CDCA7L: variants seen among roughly 807,000 people sequenced by gnomAD.
CDCA7L encodes cell division cycle associated 7 like.
Under a neutral mutation model 57.4 loss-of-function variants are expected in CDCA7L, and 44 were observed. That is an observed-to-expected ratio of 0.77 (90% confidence interval 0.60 to 0.98). The LOEUF (loss-of-function observed/expected upper bound fraction) is 0.98. Among genes scored for constraint, CDCA7L ranks in the 50% least tolerant of loss-of-function variants. The probability of loss-of-function intolerance (pLI) is 0.00; values close to 1 mark genes in which losing one functional copy is unlikely to be tolerated. For synonymous variants in CDCA7L, 236 were observed against 202.8 expected, an observed-to-expected ratio of 1.16 and a Z score of -1.39; for missense variants, 644 against 580.6, an observed-to-expected ratio of 1.11 and a Z score of -1.12.
At chr7:21,940,146 A>T (rs1786295280) in intron 1 of CDCA7L, 1 of 159,266 alleles carries the variant, frequency 6.3e-6, no homozygotes, top group Non-Finnish European at 1.3e-5. Flanking sequence ...GTATGCTGGC[A>T]TTTAAATAAT....
chr7:21,901,357 C>G lies in CDCA7L; in HGVS notation c.*965G>C, dbSNP rs900239318. ...ACATTATTCTAACTTTTTAGTAACT[C>G]ACACGTGCATTCTTTTTTCAACGCT... On this transcript the variant is annotated 3_prime_UTR_variant, in exon 10 of 10. Coordinates refer to ENST00000406877, the MANE Select transcript of CDCA7L (RefSeq NM_018719.5). The G allele has an allele frequency of 4.3e-6, 6 of 1,387,574 alleles. No homozygotes were observed. The African/African-American group carries it at 4.3e-5, about 10-fold the overall frequency. The allele number at this position is 1,387,574 out of a possible 1,614,324, so 86.0% of individuals were successfully genotyped here. A position where few individuals can be genotyped will look rare whatever the true frequency, so the allele number is the denominator to read the frequency against.
At chr7:21,907,748 T>G (rs1051153502) in intron 4 of CDCA7L, among the ~76,000 whole-genome samples, 1 of 152,180 alleles carries the variant, frequency 6.6e-6, no homozygotes, top group African/African-American at 2.4e-5. Flanking sequence ...AACCTGCTCC[T>G]TGCAACTTCT....
chr7:21,922,965 G>A (rs1785704929), intron 1 of CDCA7L, among the ~76,000 whole-genome samples: 2 of 152,180 alleles, frequency 1.3e-5, no homozygotes, highest in Admixed American at 1.3e-4. Context: ...ACCTAGAGTG[G>A]TTGAATCCTC....
intron 8 of CDCA7L, 26 bp downstream of exon 8, chr7:21,904,084 A>G (rs1273518178): frequency 6.5e-7 from 1 of 1,548,720 alleles, no homozygotes; most frequent in East Asian, 2.3e-5. Flanking sequence ...AATACAATTT[A>G]CAACAAATGC....
At position 21,902,313 on chromosome 7, in the gene CDCA7L, G is replaced by GTTTTCCTCTTAATTGTCTTCT. The variant is rs747980474; in HGVS notation, c.1353_*8dup. The GTTTTCCTCTTAATTGTCTTCT allele has an allele frequency of 5.0e-6, 8 of 1,613,746 alleles. No individual in the cohort carries two copies. Among genetic ancestry groups the GTTTTCCTCTTAATTGTCTTCT allele is most frequent in the Non-Finnish European group, 5.9e-6 (7 of 1,179,800 alleles). Reference sequence around the variant, plus strand: ...TATGGTGAGGTGGCTGGTTCTGTTTGTTTTCCTCTTAATTGTCTTCTACCA... The same window carrying GTTTTCCTCTTAATTGTCTTCT: ...TATGGTGAGGTGGCTGGTTCTGTTTGTTTTCCTCTTAATTGTCTTCTTTTTCCTCTTAATTGTCTTCTACCA... On this transcript the variant is annotated 3_prime_UTR_variant, in exon 10 of 10. Coordinates refer to ENST00000406877, the MANE Select transcript of CDCA7L (RefSeq NM_018719.5).
intron 1 of CDCA7L, among the ~76,000 whole-genome samples, chr7:21,928,211 G>A (rs1288641181): frequency 2.0e-5 from 3 of 152,188 alleles, no homozygotes; most frequent in Non-Finnish European, 2.9e-5. Flanking sequence ...CAGCAGAGGG[G>A]CCTGACTGTT....
intron 1 of CDCA7L, among the ~76,000 whole-genome samples, chr7:21,918,234 T>C (rs1785547480): frequency 6.6e-6 from 1 of 152,194 alleles, no homozygotes; most frequent in African/African-American, 2.4e-5. Flanking sequence ...ATTTCAAAAG[T>C]AGATGGGAAG....
chr7:21,945,678 C>T (rs1442886647), intron 1 of CDCA7L, 103 bp downstream of exon 1: 23 of 1,448,448 alleles, frequency 1.6e-5, no homozygotes, highest in Non-Finnish European at 2.1e-5. Flanking sequence ...CCCAGTGCCG[C>T]AGCCAAGGGC....
chr7:21,904,018 C>CCCTAGTTCCCA (rs1411517649), intron 8 of CDCA7L, 92 bp downstream of exon 8: 3 of 1,273,036 alleles, frequency 2.4e-6, no homozygotes, highest in Non-Finnish European at 3.2e-6. Context: ...TTCTGGAGCT[C>CCCTAGTTCCCA]CCTAGTTCCC....
At chr7:21,902,629 ACT>A (rs771869368) in intron 9 of CDCA7L, 9 of 525,792 alleles carry the variant, frequency 1.7e-5, no homozygotes, top group African/African-American at 3.8e-5. Context: ...CTTGCCCTGA[ACT>A]CTCTCTCTGC....
At chr7:21,907,478 CTG>C (rs964876801) in intron 4 of CDCA7L, among the ~76,000 whole-genome samples, 1 of 151,904 alleles carries the variant, frequency 6.6e-6, no homozygotes, top group Non-Finnish European at 1.5e-5. Flanking sequence ...TAAAAAAAAA[CTG>C]TAGATAAACA....
rs555549034 is a variant in CDCA7L, at chr7:21,916,541, A to T, written c.165+213T>A. 9.7e-4 allele frequency among the ~76,000 whole-genome samples: 142 copies of T among 146,214 alleles called. No homozygotes were observed. The Middle Eastern group carries it at 0.021, about 22-fold the overall frequency. On this transcript the variant is annotated intron_variant, in intron 2 of 9. Coordinates refer to ENST00000406877, the MANE Select transcript of CDCA7L (RefSeq NM_018719.5). ...AAAAAAAAAAAAAAAAAAAAAAAGA[A>T]TTATGGTACAGGGAAGGATTAACAC...
At chr7:21,906,506 A>T (rs755854899) in intron 5 of CDCA7L, 50 bp from the exon 6 acceptor site, 6 of 1,611,562 alleles carry the variant, frequency 3.7e-6, no homozygotes, top group Non-Finnish European at 5.1e-6. Flanking sequence ...CTCGAATAAA[A>T]GCCGTCTGGT....
chr7:21,944,176 C>G (rs1484082679), intron 1 of CDCA7L, among the ~76,000 whole-genome samples: 1 of 151,694 alleles, frequency 6.6e-6, no homozygotes, highest in East Asian at 1.9e-4. Context: ...TGGTGGCTCA[C>G]GCCTGTAATC....
intron 1 of CDCA7L, among the ~76,000 whole-genome samples, chr7:21,923,492 CTCTAAAAGAGAAAAA>C (rs912249464): frequency 2.6e-5 from 4 of 152,178 alleles, no homozygotes; most frequent in African/African-American, 9.6e-5. Context: ...GAGACCCTGT[CTCTAAAAGAGAAAAA>C]GAAAAAAAGA....
intron 8 of CDCA7L, among the ~76,000 whole-genome samples, chr7:21,903,443 C>T (rs910838613): frequency 3.9e-5 from 6 of 152,116 alleles, no homozygotes; most frequent in Non-Finnish European, 7.3e-5. Flanking sequence ...ACAAGGTTTC[C>T]AAAATATCAA....
At chr7:21,915,946 G>A (rs571852482) in intron 2 of CDCA7L, among the ~76,000 whole-genome samples, 1 of 152,282 alleles carries the variant, frequency 6.6e-6, no homozygotes, top group African/African-American at 2.4e-5. Context: ...CAAATGAGAT[G>A]AGGACGACAG....
intron 1 of CDCA7L, among the ~76,000 whole-genome samples, chr7:21,933,025 A>G (rs1464777816): frequency 6.6e-6 from 1 of 152,258 alleles, no homozygotes; most frequent in Non-Finnish European, 1.5e-5. Context: ...GAAGACATTT[A>G]TACTGCCAAC....
intron 1 of CDCA7L, among the ~76,000 whole-genome samples, chr7:21,936,292 A>G (rs1007741477): frequency 3.3e-5 from 5 of 152,218 alleles, no homozygotes; most frequent in African/African-American, 1.2e-4. Flanking sequence ...AGTCTTCCAA[A>G]AACTTGAAGA....
Sources: gnomAD v4.1 joint callset for allele counts (sites outside exome capture counted in the v4.1 genomes callset) on GRCh38, gnomAD v4.1.1 for gene constraint, MANE v1.5 for transcripts, NCBI Gene and HGNC (gene_info 2026-07-23, HGNC 2026-07-21) for gene names.